Variants in MYO16 observed in about 807,000 individuals in gnomAD.
MYO16 encodes the protein myosin XVI.
Under a neutral mutation model 205.3 loss-of-function variants are expected in MYO16, and 94 were observed. That is an observed-to-expected ratio of 0.46 (90% confidence interval 0.39 to 0.54). MYO16 has a LOEUF of 0.54. Among genes scored for constraint, MYO16 ranks in the 20% least tolerant of loss-of-function variants. The probability of loss-of-function intolerance (pLI) is 0.00; values close to 1 mark genes in which losing one functional copy is unlikely to be tolerated. For synonymous variants in MYO16, 988 were observed against 954.0 expected, an observed-to-expected ratio of 1.04 and a Z score of -0.66; for missense variants, 2,315 against 2,387.5, an observed-to-expected ratio of 0.97 and a Z score of 0.63.
rs1555305769 is a variant in MYO16, at chr13:108,853,954, T to TTGTGGGTGTG, written c.1249-1485_1249-1484insGGTGTGTGTG. ...CACTACTCAATTTGTGTTTCTATTA[T>TTGTGGGTGTG]TGTGTGTGTGTGTGTGTGTGTGTGT... On this transcript the variant is annotated intron_variant, in intron 10 of 34. Transcript: ENST00000457511. Among the ~76,000 whole-genome samples the TTGTGGGTGTG allele has an allele frequency of 6.9e-3, 951 of 138,594 alleles. 7 individuals are homozygous for TTGTGGGTGTG. The highest frequency in any genetic ancestry group is 0.024 in the African/African-American group (910 of 37,500). The allele number at this position is 138,594 out of a possible 152,430, so 90.9% of individuals were successfully genotyped here. A position where few individuals can be genotyped will look rare whatever the true frequency, so the allele number is the denominator to read the frequency against.
At chr13:108,833,415 G>A (rs1162496047) in intron 9 of MYO16, among the ~76,000 whole-genome samples, 6 of 151,922 alleles carry the variant, frequency 3.9e-5, no homozygotes, top group South Asian at 4.1e-4. Context: ...AATTTTCTAC[G>A]GTGAAAAATT....
chr13:108,593,758 TCA>T (rs1241793184), upstream of MYO16, among the ~76,000 whole-genome samples: 3 of 152,078 alleles, frequency 2.0e-5, no homozygotes, highest in Non-Finnish European at 2.9e-5. Flanking sequence ...ACACTCCAGC[TCA>T]GATACCCGTG....
At chr13:108,997,017 G>A (rs1190727038) in intron 21 of MYO16, among the ~76,000 whole-genome samples, 1 of 152,150 alleles carries the variant, frequency 6.6e-6, no homozygotes, top group Non-Finnish European at 1.5e-5. Context: ...AATGACAGGT[G>A]CATTGGCTCC....
Position 109,055,649 on chromosome 13 carries a change from A to C in MYO16, c.3335+54A>C, listed in dbSNP as rs755985984. 15 of 1,405,822 alleles carry C rather than the reference A, an allele frequency of 1.1e-5. No homozygotes were observed. Among genetic ancestry groups the C allele is most frequent in the Non-Finnish European group, 1.5e-5 (15 of 1,004,514 alleles). 87.1% of individuals were successfully genotyped at this position (1,405,822 alleles called of 1,614,324 possible). On this transcript the variant is annotated intron_variant, in intron 27 of 34. Transcript: ENST00000457511. The surrounding 1 kb of genome is among the most constrained non-coding windows in gnomAD (Gnocchi z 5.0). ...TTCTCGCTGCTGTTCAGTGCAGTGTACTGACACTGACACTATTGTAGCAAG... is the reference window on the plus strand; with the variant it reads ...TTCTCGCTGCTGTTCAGTGCAGTGTCCTGACACTGACACTATTGTAGCAAG...
intron 5 of MYO16, 28 bp downstream of exon 5, chr13:108,785,771 A>C (rs768806690): frequency 5.3e-5 from 73 of 1,379,416 alleles, no homozygotes; most frequent in Non-Finnish European, 7.4e-5. Flanking sequence ...AAACCATAGA[A>C]AAAAATAGAT....
rs566174637 is a variant in MYO16, at chr13:108,923,843, C to T, written c.1925+13693C>T. Among the ~76,000 whole-genome samples the T allele has an allele frequency of 8.5e-5, 13 of 152,320 alleles. No homozygotes were observed. In the South Asian group the frequency reaches 2.3e-3, roughly 27 times the overall value. The stretch of plus-strand genomic sequence containing the variant: ...CATCAACAAGCATACGTAGATTTTG[C>T]ATTTTACATGAATTATTCTTAGATC... On this transcript the variant is annotated intron_variant, in intron 16 of 34. Coordinates refer to ENST00000457511, the MANE Select transcript of MYO16 (RefSeq NM_001198950.3).
At chr13:108,849,136 C>G (rs1490911584) in intron 10 of MYO16, among the ~76,000 whole-genome samples, 1 of 152,114 alleles carries the variant, frequency 6.6e-6, no homozygotes, top group Non-Finnish European at 1.5e-5. Context: ...ATCACCCTTT[C>G]CTAATCTGGT....
chr13:108,991,193 T>C lies in MYO16; in HGVS notation c.2370-1183T>C, dbSNP rs1429713915. Among the ~76,000 whole-genome samples the C allele has an allele frequency of 2.6e-5, 4 of 152,146 alleles. No individual in the cohort carries two copies. The South Asian group carries it at 6.2e-4, about 24-fold the overall frequency. ...AAGCAAGTTCATGCCGACGTCCCCA[T>C]GCTACCCTTCCCTGCCTTCCATGTA... On this transcript the variant is annotated intron_variant, in intron 20 of 34. Transcript: ENST00000457511.
chr13:109,023,260 TA>T (rs1472955589), intron 23 of MYO16, among the ~76,000 whole-genome samples: 1 of 93,882 alleles, frequency 1.1e-5, no homozygotes, highest in Non-Finnish European at 1.9e-5. Flanking sequence ...ATTTATATAT[TA>T]TACAGATATA....
chr13:108,803,299 ATT>A (rs1313306945), intron 6 of MYO16, among the ~76,000 whole-genome samples: 1 of 152,214 alleles, frequency 6.6e-6, no homozygotes, highest in Non-Finnish European at 1.5e-5. Context: ...AGTGCTACTT[ATT>A]TTAATTTCTA....
At chr13:109,086,081 A>T (rs1009759915) in intron 27 of MYO16, among the ~76,000 whole-genome samples, 1 of 152,118 alleles carries the variant, frequency 6.6e-6, no homozygotes, top group African/African-American at 2.4e-5. Context: ...CTACTGACAA[A>T]ATTTATCTGT....
At chr13:109,117,450 A>ATGTG (rs1234480329) in intron 28 of MYO16, among the ~76,000 whole-genome samples, 174 of 138,202 alleles carry the variant, frequency 1.3e-3, no homozygotes, top group African/African-American at 4.7e-3. Flanking sequence ...ATATATATGT[A>ATGTG]TATATATGTA....
intron 27 of MYO16, among the ~76,000 whole-genome samples, chr13:109,064,730 T>C (rs1887692390): frequency 3.3e-5 from 5 of 152,190 alleles, no homozygotes; most frequent in Admixed American, 2.6e-4. Flanking sequence ...CAGAGGCTAC[T>C]GAAGTGTGGC....
chr13:109,095,428 C>G (rs1888747647), intron 27 of MYO16, among the ~76,000 whole-genome samples: 1 of 152,242 alleles, frequency 6.6e-6, no homozygotes, highest in East Asian at 1.9e-4. Flanking sequence ...GGAATGTGAC[C>G]CTGTTTTTCT....
intron 27 of MYO16, among the ~76,000 whole-genome samples, chr13:109,076,973 CAATT>C (rs1424830815): frequency 6.7e-6 from 1 of 149,128 alleles, no homozygotes; most frequent in Non-Finnish European, 1.5e-5. Context: ...CTTTTCAGCT[CAATT>C]TATTTATTTG....
chr13:108,966,991 G>A (rs867828860), intron 20 of MYO16, among the ~76,000 whole-genome samples: 3 of 151,988 alleles, frequency 2.0e-5, no homozygotes, highest in Non-Finnish European at 2.9e-5. Context: ...AAGTTGTAGA[G>A]CACATTGATT....
At chr13:109,104,357 T>C (rs1019317527) in intron 28 of MYO16, among the ~76,000 whole-genome samples, 17 of 152,230 alleles carry the variant, frequency 1.1e-4, no homozygotes, top group Admixed American at 1.3e-4. Flanking sequence ...TTTATGTTTA[T>C]AATTCACCCA....
chr13:108,739,300 T>C (rs9521000), intron 4 of MYO16, among the ~76,000 whole-genome samples: 111,490 of 152,000 alleles, frequency 0.73, 41,483 homozygotes, highest in Non-Finnish European at 0.8. Context: ...ATGTTTAGTG[T>C]TTCCTTCAGG....
At chr13:108,971,349 TTATATATA>T (rs60564701) in intron 20 of MYO16, among the ~76,000 whole-genome samples, 8,788 of 144,238 alleles carry the variant, frequency 0.061, 556 homozygotes, top group African/African-American at 0.16. Flanking sequence ...TGTGTGTTGA[TTATATATA>T]TATATATATA....
Sources: gnomAD v4.1 joint callset for allele counts (sites outside exome capture counted in the v4.1 genomes callset) on GRCh38, gnomAD v4.1.1 for gene constraint, Gnocchi (gnomAD v3.1) non-coding constraint, MANE v1.5 for transcripts, NCBI Gene and HGNC (gene_info 2026-07-23, HGNC 2026-07-21) for gene names.